The following SUGCT variants were observed in gnomAD, a reference collection of about 807,000 sequenced individuals.
SUGCT encodes succinyl-CoA:glutarate CoA-transferase.
A neutral mutation model predicts 55.0 loss-of-function variants in SUGCT; 41 were observed. That is an observed-to-expected ratio of 0.74 (90% CI 0.58 to 0.97). The LOEUF is 0.97. Ranked by LOEUF, SUGCT falls within the 50% of genes least tolerant of loss-of-function variation. The pLI is 0.00. For missense variants in SUGCT, 568 were observed against 547.8 expected (o/e 1.04, Z -0.37); for synonymous variants, 187 against 200.4 (o/e 0.93, Z 0.56).
intron 9 of SUGCT, among the ~76,000 whole-genome samples, chr7:40,414,067 C>T (rs894389431): frequency 2.0e-5 from 3 of 151,942 alleles, no homozygotes; most frequent in African/African-American, 7.3e-5. Flanking sequence ...CTGCACTAAA[C>T]ATTATTTTAT....
At chr7:40,274,680 G>A (rs182725642) in intron 8 of SUGCT, 24 bp downstream of exon 8, 1 of 1,606,622 alleles carries the variant, frequency 6.2e-7, no homozygotes, top group Non-Finnish European at 8.5e-7. Flanking sequence ...TAACATTTCA[G>A]ATAATGTTAT....
At chr7:40,774,652 AT>A (rs1789359583) in intron 13 of SUGCT, among the ~76,000 whole-genome samples, 1 of 152,120 alleles carries the variant, frequency 6.6e-6, no homozygotes, top group Non-Finnish European at 1.5e-5. Context: ...TTGTCTACAG[AT>A]TATAAAGCCT....
chr7:40,392,593 A>G (rs922790446), intron 9 of SUGCT, among the ~76,000 whole-genome samples: 13 of 152,140 alleles, frequency 8.5e-5, no homozygotes, highest in Non-Finnish European at 1.6e-4. Flanking sequence ...AATCTGTGTT[A>G]AAAAGCTTGG....
intron 13 of SUGCT, among the ~76,000 whole-genome samples, chr7:40,827,784 C>T (rs1792414809): frequency 6.6e-6 from 1 of 152,086 alleles, no homozygotes; most frequent in African/African-American, 2.4e-5. Context: ...AGGGAAAAAG[C>T]CACAAGAACT....
At chr7:40,416,414 G>A (rs901932820) in intron 9 of SUGCT, among the ~76,000 whole-genome samples, 1 of 151,422 alleles carries the variant, frequency 6.6e-6, no homozygotes, top group Non-Finnish European at 1.5e-5. Flanking sequence ...TTTTAATGAT[G>A]TTTTTCTTTA....
chr7:40,319,190 T>G (rs1240331521), intron 9 of SUGCT, among the ~76,000 whole-genome samples: 1 of 152,188 alleles, frequency 6.6e-6, no homozygotes, highest in Non-Finnish European at 1.5e-5. Context: ...CTGTATTATC[T>G]ATAAGAAATA....
chr7:41,032,006 A>T, the SUGCT span, among the ~76,000 whole-genome samples: 2 of 57,542 alleles, frequency 3.5e-5, no homozygotes, highest in Admixed American at 2.8e-4. Flanking sequence ...TGAATGAATG[A>T]ATGAATGAAT....
At chr7:40,367,026 C>G (rs1484493220) in intron 9 of SUGCT, among the ~76,000 whole-genome samples, 1 of 152,014 alleles carries the variant, frequency 6.6e-6, no homozygotes, top group Non-Finnish European at 1.5e-5. Flanking sequence ...AAATGTCCAA[C>G]AATGATAGAC....
intron 12 of SUGCT, among the ~76,000 whole-genome samples, chr7:40,717,930 T>C (rs1490226203): frequency 6.6e-6 from 1 of 152,230 alleles, no homozygotes; most frequent in African/African-American, 2.4e-5. Flanking sequence ...TCTCCTCTTC[T>C]TCTTTATTCA....
At chr7:40,548,422 T>G (rs1456945121) in intron 12 of SUGCT, among the ~76,000 whole-genome samples, 1 of 152,114 alleles carries the variant, frequency 6.6e-6, no homozygotes, top group African/African-American at 2.4e-5. Context: ...CATCTTGACC[T>G]CCTGTCTTCA....
chr7:40,838,120 G>A (rs73689862), intron 13 of SUGCT, among the ~76,000 whole-genome samples: 1,887 of 152,114 alleles, frequency 0.012, 32 homozygotes, highest in African/African-American at 0.043. Context: ...GATTTCTATC[G>A]CTCCACTGGT....
the SUGCT span, among the ~76,000 whole-genome samples, chr7:40,933,681 T>A: frequency 6.6e-6 from 1 of 152,222 alleles, no homozygotes; most frequent in Non-Finnish European, 1.5e-5. Context: ...ATTTCATTAA[T>A]TAGATCTTCA....
intron 9 of SUGCT, among the ~76,000 whole-genome samples, chr7:40,385,945 T>G (rs1476194848): frequency 6.6e-6 from 1 of 152,248 alleles, no homozygotes; most frequent in African/African-American, 2.4e-5. Context: ...CATATCCAGA[T>G]GCTTAAGCAG....
the SUGCT span, among the ~76,000 whole-genome samples, chr7:40,958,872 T>C: frequency 6.6e-6 from 1 of 152,204 alleles, no homozygotes. Flanking sequence ...TTTGTTGATG[T>C]TGATGCTATT....
intron 5 of SUGCT, among the ~76,000 whole-genome samples, chr7:40,192,700 C>T (rs187532929): frequency 2.0e-3 from 294 of 144,234 alleles, no homozygotes; most frequent in Non-Finnish European, 3.5e-3. Context: ...GGTGCGATCT[C>T]GGCTCACTCC....
intron 6 of SUGCT, among the ~76,000 whole-genome samples, chr7:40,228,808 A>G (rs957533363): frequency 2.0e-5 from 3 of 152,154 alleles, no homozygotes; most frequent in African/African-American, 7.2e-5. Context: ...ACCAATTGCC[A>G]TAATAATGAA....
At chr7:40,520,418 T>TTCA (rs1177500631) in intron 12 of SUGCT, among the ~76,000 whole-genome samples, 1 of 152,126 alleles carries the variant, frequency 6.6e-6, no homozygotes, top group African/African-American at 2.4e-5. Context: ...GAAGCTTAGC[T>TTCA]TCATGGTTTA....
intron 13 of SUGCT, among the ~76,000 whole-genome samples, chr7:40,849,984 C>T (rs1481720855): frequency 6.6e-6 from 1 of 152,030 alleles, no homozygotes; most frequent in Non-Finnish European, 1.5e-5. Context: ...GTTTAGGTGG[C>T]ATTTGACAAA....
chr7:40,263,293 TCTGA>T, intron 7 of SUGCT, among the ~76,000 whole-genome samples: 1 of 152,328 alleles, frequency 6.6e-6, no homozygotes, highest in East Asian at 1.9e-4. Context: ...TAGTGTTAAA[TCTGA>T]CAACATGTGT....
Sources: gnomAD v4.1 joint callset for allele counts (sites outside exome capture counted in the v4.1 genomes callset) on GRCh38, gnomAD v4.1.1 for gene constraint, MANE v1.5 for transcripts, NCBI Gene and HGNC (gene_info 2026-07-23, HGNC 2026-07-21) for gene names.